Variants in CRACDL observed in about 807,000 individuals in gnomAD.
CRACDL encodes the protein CRACD like, also known as CRACD-like protein.
Under a neutral mutation model 70.6 loss-of-function variants are expected in CRACDL, and 26 were observed. That is an observed-to-expected ratio of 0.37 (90% CI 0.27 to 0.51). The LOEUF (loss-of-function observed/expected upper bound fraction) is 0.51. CRACDL is among the 20% of genes least tolerant of loss of function. CRACDL has a pLI of 0.94. For synonymous variants in CRACDL, 618 were observed against 615.2 expected, an observed-to-expected ratio of 1.00 and a Z score of -0.07; for missense variants, 1,283 against 1,376.9, an observed-to-expected ratio of 0.93 and a Z score of 1.08.
chr2:98,926,824 G>C (rs1708918333), intron 1 of CRACDL, among the ~76,000 whole-genome samples: 1 of 152,236 alleles, frequency 6.6e-6, no homozygotes, highest in East Asian at 1.9e-4. Context: ...CACGCCTGCA[G>C]CGAAGGGTTG....
intron 7 of CRACDL, among the ~76,000 whole-genome samples, chr2:98,820,242 C>T (rs1704971161): frequency 6.6e-6 from 1 of 152,000 alleles, no homozygotes; most frequent in South Asian, 2.1e-4. Flanking sequence ...ATTTAAAAAA[C>T]CAGCAGGTCA....
rs1310465330 is a variant in CRACDL at position 98,916,089 on chromosome 2, G to A, written c.-11+19849C>T. On this transcript the variant is annotated intron_variant, in intron 1 of 9. Transcript: ENST00000397899. ...CAATCTCTGGGCATGCTTACAAAAA[G>A]GGGAGACTTTCCTAATTATCAAGTG... 2.6e-5 allele frequency among the ~76,000 whole-genome samples: 4 copies of A among 152,234 alleles called. No homozygotes were observed. The East Asian group carries it at 7.7e-4, about 29-fold the overall frequency.
At chr2:98,885,349 C>T (rs1345996346) in intron 1 of CRACDL, among the ~76,000 whole-genome samples, 1 of 152,092 alleles carries the variant, frequency 6.6e-6, no homozygotes, top group Non-Finnish European at 1.5e-5. Context: ...AGCTGCTAAA[C>T]CAAGGGGGAG....
chr2:98,858,947 A>G (rs1356241221), intron 1 of CRACDL, among the ~76,000 whole-genome samples: 1 of 152,234 alleles, frequency 6.6e-6, no homozygotes, highest in Non-Finnish European at 1.5e-5. Context: ...CAATAATAAA[A>G]AGAAAGTTTG....
At chr2:98,914,273 TG>T (rs1558637418) in intron 1 of CRACDL, among the ~76,000 whole-genome samples, 2 of 152,228 alleles carry the variant, frequency 1.3e-5, no homozygotes, top group Non-Finnish European at 2.9e-5. Context: ...CGCAGGGTCC[TG>T]CTGGCCCAGC....
chr2:98,825,524 G>A (rs974954172), intron 6 of CRACDL, among the ~76,000 whole-genome samples: 22 of 152,374 alleles, frequency 1.4e-4, no homozygotes, highest in African/African-American at 5.1e-4. Flanking sequence ...TCCTGGCCAG[G>A]TTGTGGCTGG....
Position 98,878,096 on chromosome 2 carries a change from G to A in CRACDL, c.-10-31286C>T, listed in dbSNP as rs188925697. ...GAAGTAGCTGGGAGTACAGGCGTGC[G>A]CCACCATACCCAGCTAATATTTGTA... On this transcript the variant is annotated intron_variant, in intron 1 of 9. Coordinates refer to ENST00000397899, the MANE Select transcript of CRACDL (RefSeq NM_207362.3). 4.7e-3 allele frequency among the ~76,000 whole-genome samples: 716 copies of A among 152,012 alleles called. 1 individual carries two copies. Among genetic ancestry groups the A allele is most frequent in the African/African-American group, 0.015 (626 of 41,494 alleles).
chr2:98,836,098 C>T (rs1003559049), intron 3 of CRACDL, among the ~76,000 whole-genome samples: 1 of 152,194 alleles, frequency 6.6e-6, no homozygotes, highest in Non-Finnish European at 1.5e-5. Flanking sequence ...CATGGCCCTG[C>T]TCTTCCTTCA....
At chr2:98,911,957 G>A (rs546846716) in intron 1 of CRACDL, among the ~76,000 whole-genome samples, 5 of 152,226 alleles carry the variant, frequency 3.3e-5, no homozygotes, top group South Asian at 2.1e-4. Context: ...ATGCTGACAC[G>A]CTTGTGATTA....
rs189301612 is a variant in CRACDL, at chr2:98,887,435, C to T, written c.-10-40625G>A. Among the ~76,000 whole-genome samples, 15 of 152,154 alleles carry T rather than the reference C, an allele frequency of 9.9e-5. No homozygotes were observed. The East Asian group carries it at 2.9e-3, about 29-fold the overall frequency. On this transcript the variant is annotated intron_variant, in intron 1 of 9. Transcript: ENST00000397899. Reference sequence around the variant, plus strand: ...CCCTGGAGGTCAAGGCTGCAATGAGCCATGATCAAGCCACTGCACTCCAGC... The same window carrying T: ...CCCTGGAGGTCAAGGCTGCAATGAGTCATGATCAAGCCACTGCACTCCAGC...
chr2:98,883,187 C>G (rs1028081038), intron 1 of CRACDL, among the ~76,000 whole-genome samples: 1 of 152,254 alleles, frequency 6.6e-6, no homozygotes, highest in Non-Finnish European at 1.5e-5. Context: ...ATACAGTATT[C>G]TGTGCCCATT....
At chr2:98,912,140 TA>T (rs1708559963) in intron 1 of CRACDL, among the ~76,000 whole-genome samples, 1 of 152,202 alleles carries the variant, frequency 6.6e-6, no homozygotes, top group South Asian at 2.1e-4. Context: ...CTGGGCAGCA[TA>T]CCTGTGCCAG....
chr2:98,850,970 T>A (rs1279370393), intron 1 of CRACDL, among the ~76,000 whole-genome samples: 1 of 152,198 alleles, frequency 6.6e-6, no homozygotes, highest in Non-Finnish European at 1.5e-5. Flanking sequence ...AAGGTTTCAA[T>A]CCATTATATT....
In CRACDL at chr2:98,889,327, GAAA is replaced by G. The variant is rs1558624641; in HGVS notation, c.-10-42520_-10-42518del. On this transcript the variant is annotated intron_variant, in intron 1 of 9. Coordinates refer to ENST00000397899, the MANE Select transcript of CRACDL (RefSeq NM_207362.3). ...AGAAAGAAAGAAAGAAAGAAAGAAA[GAAA>G]GAAAGAAAGAAAGGAAACAGTAACC... 5.9e-3 allele frequency among the ~76,000 whole-genome samples: 576 copies of G among 97,506 alleles called. 4 individuals are homozygous for G. Among genetic ancestry groups the G allele is most frequent in the Admixed American group, 7.9e-3 (78 of 9,850 alleles). The allele number at this position is 97,506 out of a possible 152,430, so 64.0% of individuals were successfully genotyped here. A position where few individuals can be genotyped will look rare whatever the true frequency, so the allele number is the denominator to read the frequency against.
Position 98,823,136 on chromosome 2 carries a change from G to T in CRACDL, c.1137C>A (p.Gly379=). The part of the protein sequence containing the change: ...GKQDGEAPPA[G]PCAPATDKAE... ...CCTTGTCCGTGGCCGGGGCACACGG[G>T]CCTGCGGGGGGCGCCTCCCCATCCT... The change falls in exon 7 of 10, where the codon GGC becomes GGA. Residue 379 remains glycine, a synonymous_variant. Coordinates refer to ENST00000397899, the MANE Select transcript of CRACDL (RefSeq NM_207362.3). This position sits in a 1 kb window ranked among gnomAD's most constrained non-coding sequence, Gnocchi z 4.0. 1.3e-6 allele frequency: 2 copies of T among 1,563,936 alleles called. No individual in the cohort carries two copies. The highest frequency in any genetic ancestry group is 1.8e-5 in the Admixed American group (1 of 54,184).
At chr2:98,804,108 T>C (rs1704193782) in intron 7 of CRACDL, among the ~76,000 whole-genome samples, 1 of 152,258 alleles carries the variant, frequency 6.6e-6, no homozygotes, top group Non-Finnish European at 1.5e-5. Context: ...TCATCAGATC[T>C]GTCCCAGAGC....
intron 1 of CRACDL, among the ~76,000 whole-genome samples, chr2:98,910,077 G>T (rs1708510625): frequency 6.6e-6 from 1 of 152,108 alleles, no homozygotes; most frequent in Admixed American, 6.5e-5. Flanking sequence ...CGGAAGGATG[G>T]CTCTGTCTCC....
At chr2:98,895,509 C>T (rs1708096445) in intron 1 of CRACDL, among the ~76,000 whole-genome samples, 1 of 152,078 alleles carries the variant, frequency 6.6e-6, no homozygotes, top group Non-Finnish European at 1.5e-5. Flanking sequence ...GGCCCGGAGG[C>T]AGGGGGGAAC....
intron 2 of CRACDL, among the ~76,000 whole-genome samples, chr2:98,838,867 C>T (rs1705906248): frequency 6.6e-6 from 1 of 152,096 alleles, no homozygotes; most frequent in African/African-American, 2.4e-5. Flanking sequence ...CCAGGCTGAG[C>T]CCAACTCTGC....
Sources: allele counts gnomAD v4.1 joint callset (sites outside exome capture counted in the v4.1 genomes callset), GRCh38; gene constraint gnomAD v4.1.1; non-coding constraint Gnocchi (gnomAD v3.1); transcripts MANE v1.5; gene names NCBI Gene and HGNC (gene_info 2026-07-23, HGNC 2026-07-21).